ST18: variants seen among roughly 807,000 people sequenced by gnomAD.
ST18 encodes the protein suppression of tumorigenicity 18 protein.
Under a neutral mutation model 110.0 loss-of-function variants are expected in ST18, and 50 were observed. The observed-to-expected ratio is 0.45, with a 90% confidence interval of 0.36 to 0.58. ST18 has a LOEUF of 0.58. ST18 is among the 20% of genes least tolerant of loss of function. The pLI, the probability that ST18 is intolerant of heterozygous loss-of-function variation, is 0.00. For synonymous variants in ST18, 461 were observed against 452.4 expected (o/e 1.02, Z -0.24); for missense variants, 1,306 against 1,280.1 (o/e 1.02, Z -0.31).
chr8:52,338,534 C>T (rs1301310749), intron 2 of ST18, among the ~76,000 whole-genome samples: 1 of 152,106 alleles, frequency 6.6e-6, no homozygotes, highest in Non-Finnish European at 1.5e-5. Flanking sequence ...GGTGATCCTC[C>T]CACCTCAGCC....
chr8:52,388,870 AT>A (rs1466214631), intron 2 of ST18, among the ~76,000 whole-genome samples: 3 of 149,834 alleles, frequency 2.0e-5, no homozygotes, highest in Admixed American at 2.0e-4. Flanking sequence ...ATGCTAAATG[AT>A]GAGTTAATGG....
At chr8:52,142,793 C>A (rs7006725) in intron 17 of ST18, 137 bp downstream of exon 17, 126,975 of 619,730 alleles carry the variant, frequency 0.2, 17,275 homozygotes, top group African/African-American at 0.54. Flanking sequence ...AGGTTAGATG[C>A]GTGTTTAACG....
chr8:52,241,873 C>T (rs1436056863), intron 2 of ST18, among the ~76,000 whole-genome samples: 4 of 152,064 alleles, frequency 2.6e-5, no homozygotes, highest in African/African-American at 9.7e-5. Flanking sequence ...TGAAACTCTT[C>T]CTTCCTTTTT....
At chr8:52,188,440 A>C (rs1434524306) in intron 8 of ST18, among the ~76,000 whole-genome samples, 2 of 152,238 alleles carry the variant, frequency 1.3e-5, no homozygotes, top group Non-Finnish European at 2.9e-5. Context: ...GAAGGCGAAC[A>C]CAAAGGCTCA....
chr8:52,132,218 G>T (rs772701007), intron 21 of ST18, 39 bp from the exon 22 acceptor site: 2 of 1,551,476 alleles, frequency 1.3e-6, no homozygotes, highest in South Asian at 2.3e-5. Flanking sequence ...CAGGAAGAAG[G>T]CAGTGATAGT....
At chr8:52,277,918 T>C (rs1454872573) in intron 2 of ST18, among the ~76,000 whole-genome samples, 1 of 152,188 alleles carries the variant, frequency 6.6e-6, no homozygotes, top group Non-Finnish European at 1.5e-5. Flanking sequence ...AATTCCATTA[T>C]TGATAACAAC....
intron 2 of ST18, among the ~76,000 whole-genome samples, chr8:52,371,227 C>T (rs1173457013): frequency 1.3e-5 from 2 of 152,156 alleles, no homozygotes; most frequent in Non-Finnish European, 2.9e-5. Context: ...CTAGGTAAAA[C>T]AAAGGCGAAT....
intron 9 of ST18, among the ~76,000 whole-genome samples, chr8:52,177,087 C>T (rs2067229623): frequency 6.6e-6 from 1 of 152,152 alleles, no homozygotes. Context: ...CTGCTGGGGA[C>T]CCCACACCTG....
intron 2 of ST18, among the ~76,000 whole-genome samples, chr8:52,399,794 G>A (rs1234337499): frequency 2.6e-5 from 4 of 151,946 alleles, no homozygotes; most frequent in Non-Finnish European, 4.4e-5. Context: ...GGAAAAAAAT[G>A]GTACATATAA....
At chr8:52,355,489 A>G (rs1280478129) in intron 2 of ST18, among the ~76,000 whole-genome samples, 1 of 152,266 alleles carries the variant, frequency 6.6e-6, no homozygotes, top group Non-Finnish European at 1.5e-5. Context: ...AGATTACTAA[A>G]AAAGGAGACA....
Position 52,320,650 on chromosome 8 carries a change from C to T in ST18, c.-465+88678G>A, listed in dbSNP as rs148684273. Among the ~76,000 whole-genome samples, 358 of 152,244 alleles carry T rather than the reference C, an allele frequency of 2.4e-3. 3 individuals carry two copies. Among genetic ancestry groups the T allele is most frequent in the Admixed American group, 5.6e-3 (85 of 15,296 alleles). On this transcript the variant is annotated intron_variant, in intron 2 of 25. Coordinates refer to ENST00000689386, the MANE Select transcript of ST18 (RefSeq NM_001352837.2). ...TCAGGGAAGTGCTAACTGAAACTAC[C>T]GTGAGATACTATCAGATCGGCAAAC...
At chr8:52,392,081 C>T (rs756702498) in intron 2 of ST18, among the ~76,000 whole-genome samples, 24 of 152,038 alleles carry the variant, frequency 1.6e-4, no homozygotes, top group Admixed American at 4.6e-4. Context: ...TTTCCTCATC[C>T]GAAAAATGAG....
intron 2 of ST18, among the ~76,000 whole-genome samples, chr8:52,298,453 T>C (rs775256292): frequency 6.6e-6 from 1 of 152,214 alleles, no homozygotes; most frequent in African/African-American, 2.4e-5. Flanking sequence ...AGCATCAACC[T>C]AATTAAGTAA....
intron 2 of ST18, among the ~76,000 whole-genome samples, chr8:52,332,281 A>G (rs1809876823): frequency 6.6e-6 from 1 of 152,052 alleles, no homozygotes. Flanking sequence ...GCATCATCCC[A>G]CTTATGCTGT....
At chr8:52,219,775 T>C (rs1195244006) in intron 5 of ST18, among the ~76,000 whole-genome samples, 1 of 152,172 alleles carries the variant, frequency 6.6e-6, no homozygotes, top group Non-Finnish European at 1.5e-5. Flanking sequence ...TTCTTAGAAA[T>C]GCACTGCCAT....
intron 16 of ST18, among the ~76,000 whole-genome samples, chr8:52,149,516 A>C (rs1385174960): frequency 6.6e-6 from 1 of 152,252 alleles, no homozygotes; most frequent in Admixed American, 6.5e-5. Flanking sequence ...AAAATCTACT[A>C]TAGTGACATT....
At position 52,311,459 on chromosome 8, in the gene ST18, C is replaced by CA. The variant is rs375512131; in HGVS notation, c.-464-81383dup. Among the ~76,000 whole-genome samples, 622 of 152,236 alleles carry CA rather than the reference C, an allele frequency of 4.1e-3. 6 individuals carry two copies. Among genetic ancestry groups the CA allele is most frequent in the African/African-American group, 0.014 (577 of 41,530 alleles). ...CCCCTCTACAGTTCTATTGTCTCAT[C>CA]AAAAAATCTTCTAATGATCCCATTT... On this transcript the variant is annotated intron_variant, in intron 2 of 25. Coordinates refer to ENST00000689386, the MANE Select transcript of ST18 (RefSeq NM_001352837.2).
chr8:52,279,432 T>G (rs1466641786), intron 2 of ST18, among the ~76,000 whole-genome samples: 2 of 151,826 alleles, frequency 1.3e-5, no homozygotes, highest in African/African-American at 4.8e-5. Context: ...GAGTGAAAAA[T>G]CTTAACTTAC....
intron 2 of ST18, among the ~76,000 whole-genome samples, chr8:52,319,788 C>T (rs1803080252): frequency 6.6e-6 from 1 of 152,156 alleles, no homozygotes; most frequent in Non-Finnish European, 1.5e-5. Context: ...TCAGGCTGGA[C>T]TTGCATGCCT....
Sources: gnomAD v4.1 joint callset for allele counts (sites outside exome capture counted in the v4.1 genomes callset) on GRCh38, gnomAD v4.1.1 for gene constraint, MANE v1.5 for transcripts, NCBI Gene and HGNC (gene_info 2026-07-23, HGNC 2026-07-21) for gene names.